ZNF536: variants seen among roughly 807,000 people sequenced by gnomAD.
ZNF536 encodes zinc finger protein 536.
A neutral mutation model predicts 84.5 loss-of-function variants in ZNF536; 13 were observed. The ratio of observed to expected loss-of-function variants is 0.15; its 90% CI spans 0.10 to 0.24. ZNF536 has a LOEUF of 0.24. ZNF536 is among the 10% of genes least tolerant of loss of function. The pLI is 1.00. For missense variants in ZNF536, 1,536 were observed against 1,747.5 expected (o/e 0.88, Z 2.16); for synonymous variants, 811 against 742.5 (o/e 1.09, Z -1.50).
chr19:30,702,938 C>G (rs1452919114), intron 1 of ZNF536, among the ~76,000 whole-genome samples: 1 of 152,222 alleles, frequency 6.6e-6, no homozygotes, highest in Non-Finnish European at 1.5e-5. Flanking sequence ...GTGGAGCTGA[C>G]AGTCTGCCTG....
chr19:30,501,043 C>G (rs1568490629), intron 2 of ZNF536, among the ~76,000 whole-genome samples: 1 of 152,124 alleles, frequency 6.6e-6, no homozygotes, highest in East Asian at 1.9e-4. Context: ...AGCTTTCTTA[C>G]CCTGGGTACA....
chr19:30,261,788 C>T (rs1246875239), intron 1 of ZNF536, among the ~76,000 whole-genome samples: 1 of 150,502 alleles, frequency 6.6e-6, no homozygotes, highest in Non-Finnish European at 1.5e-5. Context: ...CTGGATGGCA[C>T]AAAGTTATGG....
intron 1 of ZNF536, among the ~76,000 whole-genome samples, chr19:30,388,148 T>C (rs2049423140): frequency 6.6e-6 from 1 of 152,182 alleles, no homozygotes; most frequent in Admixed American, 6.5e-5. Flanking sequence ...GGTGTGTCTA[T>C]AAGATTTCCC....
At chr19:30,372,832 C>T (rs982066189) in intron 1 of ZNF536, among the ~76,000 whole-genome samples, 19 of 149,584 alleles carry the variant, frequency 1.3e-4, no homozygotes, top group African/African-American at 4.1e-4. Flanking sequence ...ATCACCCGCC[C>T]CCCCCATCTA....
At chr19:30,523,886 T>G (rs74831508) in intron 2 of ZNF536, among the ~76,000 whole-genome samples, 7,078 of 152,280 alleles carry the variant, frequency 0.046, 463 homozygotes, top group African/African-American at 0.15. Flanking sequence ...CCTGGTGGAT[T>G]TTTAGTTTCT....
At chr19:30,311,087 GTAC>G (rs1015166172) in intron 2 of ZNF536, among the ~76,000 whole-genome samples, 6 of 152,198 alleles carry the variant, frequency 3.9e-5, no homozygotes, top group Non-Finnish European at 5.9e-5. Flanking sequence ...TGGGGACCTT[GTAC>G]AGGGCATGGA....
intron 1 of ZNF536, among the ~76,000 whole-genome samples, chr19:30,702,344 G>T (rs566645862): frequency 5.9e-5 from 9 of 152,242 alleles, no homozygotes; most frequent in African/African-American, 1.9e-4. Flanking sequence ...CGGCTCTACG[G>T]CGCAGCGACA....
intron 1 of ZNF536, among the ~76,000 whole-genome samples, chr19:30,631,548 C>T (rs563329829): frequency 3.3e-5 from 5 of 152,248 alleles, no homozygotes; most frequent in South Asian, 4.1e-4. Flanking sequence ...TGGATCCTGC[C>T]GTAAAGGAGA....
chr19:30,466,273 G>A (rs1234518983), intron 2 of ZNF536, among the ~76,000 whole-genome samples: 1 of 151,792 alleles, frequency 6.6e-6, no homozygotes, highest in Non-Finnish European at 1.5e-5. Context: ...TGGACACCAT[G>A]GCTCACGTCT....
chr19:30,421,195 G>C lies in ZNF536; in HGVS notation c.-2-22366G>C, dbSNP rs144771966. On this transcript the variant is annotated intron_variant, in intron 1 of 4. Coordinates refer to ENST00000355537, the MANE Select transcript of ZNF536 (RefSeq NM_014717.3). ...CGTGCAGAGAAGGGAGAAGTCGGTA[G>C]ATTTTAAAATTACTTTTTTTTCTTT... Among the ~76,000 whole-genome samples the C allele has an allele frequency of 6.6e-5, 10 of 152,278 alleles. No homozygotes were observed. In the East Asian group the frequency reaches 1.9e-3, roughly 29 times the overall value.
Position 30,648,578 on chromosome 19 carries a change from C to G in ZNF536, c.170-62179C>G, listed in dbSNP as rs185242806. On this transcript the variant is annotated intron_variant, in intron 1 of 1. Coordinates refer to the ZNF536 transcript ENST00000592773. ...AAGTGGCAGAAACAGCATCAGCCAA[C>G]GTTTCCACAGAGTATGAGTCATAAA... 1.4e-3 allele frequency among the ~76,000 whole-genome samples: 213 copies of G among 152,230 alleles called. 1 individual carries two copies. Among genetic ancestry groups the G allele is most frequent in the African/African-American group, 4.9e-3 (202 of 41,542 alleles).
chr19:30,381,632 G>A (rs2049026362), intron 1 of ZNF536, among the ~76,000 whole-genome samples: 1 of 152,192 alleles, frequency 6.6e-6, no homozygotes, highest in Non-Finnish European at 1.5e-5. Context: ...GGCCATAATG[G>A]CCCCAGGTCC....
chr19:30,668,261 G>T (rs1456245782), intron 1 of ZNF536, among the ~76,000 whole-genome samples: 1 of 152,104 alleles, frequency 6.6e-6, no homozygotes, highest in African/African-American at 2.4e-5. Context: ...CCACAGTGGG[G>T]GCTCCTGACC....
chr19:30,330,227 A>G (rs185528414), intron 2 of ZNF536, among the ~76,000 whole-genome samples: 4 of 152,334 alleles, frequency 2.6e-5, no homozygotes, highest in Admixed American at 2.6e-4. Flanking sequence ...TAACTGTGCT[A>G]AATTCGATCA....
Position 30,300,860 on chromosome 19 carries a change from A to AGTGT in ZNF536, c.-120+16728_-120+16731dup, listed in dbSNP as rs572869566. Among the ~76,000 whole-genome samples the AGTGT allele has an allele frequency of 2.3e-3, 355 of 151,892 alleles. 12 individuals are homozygous for AGTGT. The highest frequency in any genetic ancestry group is 1.9e-3 in the Non-Finnish European group (132 of 67,966). ...GTACTCTTCGACGCCTGAGTGCACA[A>AGTGT]GTGTGTGTGTGTCTGGAGGTTCGAG... On this transcript the variant is annotated intron_variant, in intron 2 of 5. Coordinates refer to the ZNF536 transcript ENST00000585628.
In ZNF536 at chr19:30,255,161, TC is replaced by T. The variant is rs542685939; in HGVS notation, c.-190+26495del. Among the ~76,000 whole-genome samples, 4 of 152,280 alleles carry T rather than the reference TC, an allele frequency of 2.6e-5. No homozygotes were observed. In the Middle Eastern group the frequency reaches 0.01, roughly 388 times the overall value. ...GCAATGATAGTGTCTCTGGATCTAT[TC>T]CCCCCCTTTTTTTCATTCAAAAGAG... On this transcript the variant is annotated intron_variant, in intron 1 of 5. Coordinates refer to the ZNF536 transcript ENST00000585628.
intron 2 of ZNF536, among the ~76,000 whole-genome samples, chr19:30,469,366 C>T (rs1016701533): frequency 2.0e-5 from 3 of 151,922 alleles, no homozygotes; most frequent in Non-Finnish European, 4.4e-5. Flanking sequence ...GAGCCGAGAT[C>T]GTGCCACTGC....
chr19:30,263,758 C>T (rs905648191), intron 1 of ZNF536, among the ~76,000 whole-genome samples: 8 of 151,802 alleles, frequency 5.3e-5, no homozygotes, highest in African/African-American at 1.7e-4. Context: ...AAAATCAGAC[C>T]CCGCGTTTCC....
At chr19:30,642,779 A>G (rs1458886319) in intron 1 of ZNF536, among the ~76,000 whole-genome samples, 1 of 152,098 alleles carries the variant, frequency 6.6e-6, no homozygotes, top group Non-Finnish European at 1.5e-5. Flanking sequence ...TGAGGGTGAG[A>G]TGGATGAGTC....
Sources: gnomAD v4.1 joint callset for allele counts (sites outside exome capture counted in the v4.1 genomes callset) on GRCh38, gnomAD v4.1.1 for gene constraint, MANE v1.5 for transcripts, NCBI Gene and HGNC (gene_info 2026-07-23, HGNC 2026-07-21) for gene names.